IGSF11: variants seen among roughly 807,000 people sequenced by gnomAD.
IGSF11 encodes immunoglobulin superfamily member 11.
In IGSF11, 22 loss-of-function variants were observed where a neutral mutation model predicts 41.0. The ratio of observed to expected loss-of-function variants is 0.54; its 90% CI spans 0.38 to 0.77. The LOEUF (loss-of-function observed/expected upper bound fraction) is 0.77, where lower values mean the gene tolerates loss of function less well. Ranked by LOEUF, IGSF11 falls within the 30% of genes least tolerant of loss-of-function variation. IGSF11 has a pLI of 0.00. For missense variants in IGSF11, 444 were observed against 530.8 expected, an observed-to-expected ratio of 0.84 and a Z score of 1.61; for synonymous variants, 219 against 201.3, an observed-to-expected ratio of 1.09 and a Z score of -0.74.
intron 1 of IGSF11, among the ~76,000 whole-genome samples, chr3:119,142,273 T>TA (rs2077659339): frequency 3.8e-5 from 1 of 26,324 alleles, no homozygotes; most frequent in Non-Finnish European, 8.1e-5. Context: ...AGACTCCATC[T>TA]CAAAAAAAAA....
chr3:118,967,819 A>G (rs764910520), intron 1 of IGSF11, among the ~76,000 whole-genome samples: 1 of 152,112 alleles, frequency 6.6e-6, no homozygotes, highest in Non-Finnish European at 1.5e-5. Flanking sequence ...GAGCTTTTCT[A>G]TCTTATTTTT....
Position 119,083,318 on chromosome 3 carries a change from G to T in IGSF11, c.49+21826C>A, listed in dbSNP as rs565022366. Among the ~76,000 whole-genome samples the T allele has an allele frequency of 2.8e-4, 42 of 151,776 alleles. 1 individual carries two copies. The South Asian group carries it at 8.5e-3, about 31-fold the overall frequency. ...GCATTTTTAGTAGCAATAGGGTTTT[G>T]CCATGTTACCCAGGGCTCAAGTAAT... On this transcript the variant is annotated intron_variant, in intron 1 of 6. Coordinates refer to the IGSF11 transcript ENST00000354673.
At chr3:119,088,880 C>T (rs1276248056) in intron 1 of IGSF11, among the ~76,000 whole-genome samples, 1 of 152,090 alleles carries the variant, frequency 6.6e-6, no homozygotes, top group Non-Finnish European at 1.5e-5. Context: ...CATAAACTCC[C>T]AAGATTGAAT....
chr3:118,994,260 G>A (rs1037246132), intron 1 of IGSF11, among the ~76,000 whole-genome samples: 2 of 152,284 alleles, frequency 1.3e-5, no homozygotes, highest in Admixed American at 6.5e-5. Flanking sequence ...AAGAATTACC[G>A]AAGCCTAGCA....
At chr3:119,101,838 T>A (rs528393537) in intron 1 of IGSF11, among the ~76,000 whole-genome samples, 1 of 152,244 alleles carries the variant, frequency 6.6e-6, no homozygotes, top group Non-Finnish European at 1.5e-5. Context: ...AATGATTAAA[T>A]AAATTAGTCT....
intron 1 of IGSF11, among the ~76,000 whole-genome samples, chr3:119,080,546 C>T (rs2076570457): frequency 6.6e-6 from 1 of 152,112 alleles, no homozygotes; most frequent in South Asian, 2.1e-4. Flanking sequence ...AGAGACAAAG[C>T]CCAGAGAGGA....
chr3:118,976,989 G>T (rs1934187077), intron 1 of IGSF11, among the ~76,000 whole-genome samples: 1 of 152,154 alleles, frequency 6.6e-6, no homozygotes, highest in Non-Finnish European at 1.5e-5. Context: ...TGCTCTTAGG[G>T]GTCTAAGCCA....
At chr3:118,995,810 G>A (rs142639801) in intron 1 of IGSF11, among the ~76,000 whole-genome samples, 3,917 of 152,070 alleles carry the variant, frequency 0.026, 138 homozygotes, top group African/African-American at 0.089. Context: ...CCGCCACCAC[G>A]CCCCGCTAAT....
chr3:119,114,413 A>C lies in IGSF11; in HGVS notation c.-13-9208T>G, dbSNP rs140912786. 6.7e-3 allele frequency among the ~76,000 whole-genome samples: 1,016 copies of C among 152,304 alleles called. 8 individuals carry two copies. Among genetic ancestry groups the C allele is most frequent in the South Asian group, 0.016 (75 of 4,832 alleles). On this transcript the variant is annotated intron_variant, in intron 1 of 7. Transcript: ENST00000425327. ...CCAGTTCACTCTTGAACATTTTGTC[A>C]CTTAGAAATTTCTTCCGCCAGACGC...
intron 4 of IGSF11, among the ~76,000 whole-genome samples, chr3:118,912,943 T>G (rs1440084801): frequency 6.6e-6 from 1 of 152,068 alleles, no homozygotes; most frequent in Non-Finnish European, 1.5e-5. Flanking sequence ...GAAGTTGCAG[T>G]GAGCAGTGAT....
chr3:119,109,834 C>T (rs543040788), upstream of IGSF11, among the ~76,000 whole-genome samples: 29 of 152,218 alleles, frequency 1.9e-4, no homozygotes, highest in Middle Eastern at 3.4e-3. Context: ...TTTCTGCCTT[C>T]CCTTCGTTAT....
intron 1 of IGSF11, among the ~76,000 whole-genome samples, chr3:118,938,839 G>C (rs1191724559): frequency 2.0e-5 from 3 of 152,194 alleles, no homozygotes; most frequent in Admixed American, 1.3e-4. Context: ...AACAGGCATA[G>C]AGAGGGATAT....
intron 6 of IGSF11, among the ~76,000 whole-genome samples, chr3:118,903,237 A>G (rs1939134135): frequency 1.3e-5 from 2 of 152,162 alleles, no homozygotes; most frequent in African/African-American, 4.8e-5. Flanking sequence ...GTCTCTTCCA[A>G]TACAACTTTT....
At chr3:118,928,854 CT>C (rs35557419) in intron 2 of IGSF11, 138 bp from the exon 3 acceptor site, 178 of 625,674 alleles carry the variant, frequency 2.8e-4, no homozygotes, top group Middle Eastern at 7.3e-4. Flanking sequence ...TTATCATCAA[CT>C]TTTTTTTTAC....
intron 1 of IGSF11, among the ~76,000 whole-genome samples, chr3:119,000,527 C>CT (rs3974748): frequency 0.21 from 30,859 of 145,792 alleles, 4,306 homozygotes; most frequent in African/African-American, 0.4. Context: ...CTTGACTATT[C>CT]TTTTTTTTTT....
At chr3:118,910,724 C>T (rs2107483071) in intron 4 of IGSF11, among the ~76,000 whole-genome samples, 1 of 152,278 alleles carries the variant, frequency 6.6e-6, no homozygotes, top group Admixed American at 6.5e-5. Flanking sequence ...TCCCCACGAA[C>T]CTTTATGTCA....
In IGSF11 at chr3:118,965,790, A is replaced by G. The variant is rs536994924; in HGVS notation, c.53-35515T>C. On this transcript the variant is annotated intron_variant, in intron 1 of 6. Transcript: ENST00000393775. Reference sequence around the variant, plus strand: ...CTACCACTTCTAAAATCCCTGCAAAATGTATGTTATGTTTGGAATTAGGGA... The same window carrying G: ...CTACCACTTCTAAAATCCCTGCAAAGTGTATGTTATGTTTGGAATTAGGGA... Among the ~76,000 whole-genome samples the G allele has an allele frequency of 2.6e-5, 4 of 152,240 alleles. No individual in the cohort carries two copies. The South Asian group carries it at 8.3e-4, about 32-fold the overall frequency.
At chr3:119,098,229 G>A (rs2107502746) in intron 1 of IGSF11, among the ~76,000 whole-genome samples, 1 of 152,074 alleles carries the variant, frequency 6.6e-6, no homozygotes, top group African/African-American at 2.4e-5. Flanking sequence ...TGTGATGTGT[G>A]GCAGATTACT....
intron 1 of IGSF11, among the ~76,000 whole-genome samples, chr3:119,033,250 T>G (rs1940587965): frequency 6.6e-6 from 1 of 152,206 alleles, no homozygotes; most frequent in South Asian, 2.1e-4. Flanking sequence ...TTGGTAATAT[T>G]TAGAGCTGTG....
Sources: allele counts gnomAD v4.1 joint callset (sites outside exome capture counted in the v4.1 genomes callset), GRCh38; gene constraint gnomAD v4.1.1; transcripts MANE v1.5; gene names NCBI Gene and HGNC (gene_info 2026-07-23, HGNC 2026-07-21).